Variants in ZC3H12B observed in about 807,000 individuals in gnomAD.
The protein encoded by ZC3H12B is zinc finger CCCH-type containing 12B, also known as probable ribonuclease ZC3H12B.
A neutral mutation model predicts 43.9 loss-of-function variants in ZC3H12B; 7 were observed. That is an observed-to-expected ratio of 0.16 (90% confidence interval 0.09 to 0.30). The LOEUF is 0.30. Ranked by LOEUF, ZC3H12B falls within the 10% of genes least tolerant of loss-of-function variation. ZC3H12B has a pLI of 1.00. For missense variants in ZC3H12B, 475 were observed against 670.2 expected, an observed-to-expected ratio of 0.71 and a Z score of 3.22; for synonymous variants, 222 against 241.7, an observed-to-expected ratio of 0.92 and a Z score of 0.76.
the ZC3H12B span, among the ~76,000 whole-genome samples, chrX:65,354,738 C>T: frequency 1.8e-5 from 2 of 111,787 alleles, no homozygotes; most frequent in African/African-American, 6.5e-5. Flanking sequence ...GTATTGCTAA[C>T]TAGAATAACC....
At chrX:65,288,864 A>G in the ZC3H12B span, among the ~76,000 whole-genome samples, 8 of 112,025 alleles carry the variant, frequency 7.1e-5, no homozygotes, top group Non-Finnish European at 1.5e-4. Context: ...TCACAAAAGA[A>G]CACTTAGATT....
chrX:65,292,153 C>G, the ZC3H12B span, among the ~76,000 whole-genome samples: 316 of 111,782 alleles, frequency 2.8e-3, 3 homozygotes, highest in African/African-American at 9.8e-3. Context: ...AACTGGACTA[C>G]CAAATCAGTC....
chrX:65,054,214 T>A, the ZC3H12B span, among the ~76,000 whole-genome samples: 3 of 111,840 alleles, frequency 2.7e-5, no homozygotes, highest in Non-Finnish European at 1.9e-5. Flanking sequence ...ATTGCCTAGG[T>A]TTTCTTCTAG....
chrX:65,444,085 C>T (rs2067342444), intron 3 of ZC3H12B, among the ~76,000 whole-genome samples: 2 of 112,218 alleles, frequency 1.8e-5, no homozygotes, highest in Admixed American at 1.9e-4. Flanking sequence ...TCTCTTTCTT[C>T]CTTCTTTCTT....
chrX:65,355,150 C>T, the ZC3H12B span, among the ~76,000 whole-genome samples: 19 of 111,107 alleles, frequency 1.7e-4, no homozygotes, highest in South Asian at 6.6e-3. Flanking sequence ...AACCCCAAGA[C>T]ACATGATCGT....
chrX:65,268,565 T>C, the ZC3H12B span, among the ~76,000 whole-genome samples: 31 of 112,739 alleles, frequency 2.7e-4, no homozygotes, highest in Admixed American at 2.5e-3. Context: ...ACATTGTGAT[T>C]ATTTGAGGCT....
At chrX:65,198,574 G>T in the ZC3H12B span, among the ~76,000 whole-genome samples, 1 of 111,439 alleles carries the variant, frequency 9.0e-6, no homozygotes, top group Non-Finnish European at 1.9e-5. Flanking sequence ...CTGTCTCCTG[G>T]CCTTTAAGGT....
the ZC3H12B span, among the ~76,000 whole-genome samples, chrX:65,153,954 A>G: frequency 1.8e-5 from 2 of 111,060 alleles, no homozygotes; most frequent in Non-Finnish European, 3.8e-5. Flanking sequence ...ATTGGAAATC[A>G]TCATTCTCAG....
chrX:65,196,157 G>A, the ZC3H12B span, among the ~76,000 whole-genome samples: 1 of 100,854 alleles, frequency 9.9e-6, no homozygotes, highest in Non-Finnish European at 2.0e-5. Flanking sequence ...CCCTCGAAAG[G>A]TGCGCTGCCT....
the ZC3H12B span, among the ~76,000 whole-genome samples, chrX:65,211,209 C>G: frequency 9.2e-6 from 1 of 108,543 alleles, no homozygotes; most frequent in Admixed American, 1.0e-4. Flanking sequence ...GATATTAGCC[C>G]TTTGTCAGAT....
At chrX:65,086,226 A>G in the ZC3H12B span, among the ~76,000 whole-genome samples, 1 of 111,428 alleles carries the variant, frequency 9.0e-6, no homozygotes, top group Non-Finnish European at 1.9e-5. Flanking sequence ...TTATCTATAA[A>G]TATTAAAAAC....
the ZC3H12B span, among the ~76,000 whole-genome samples, chrX:65,147,102 A>G: frequency 5.4e-5 from 6 of 111,695 alleles, no homozygotes; most frequent in Non-Finnish European, 7.5e-5. Context: ...TCCTCCTTTT[A>G]TGGAATTTGA....
the ZC3H12B span, among the ~76,000 whole-genome samples, chrX:65,181,700 A>G: frequency 1.8e-5 from 2 of 112,318 alleles, no homozygotes; most frequent in East Asian, 5.6e-4. Flanking sequence ...AACCACAATG[A>G]GATACCATCT....
At chrX:65,236,852 G>T in the ZC3H12B span, among the ~76,000 whole-genome samples, 1 of 111,808 alleles carries the variant, frequency 8.9e-6, no homozygotes, top group African/African-American at 3.3e-5. Flanking sequence ...AGATCAGATG[G>T]TTGTAGGTGT....
At chrX:65,273,772 C>T in the ZC3H12B span, among the ~76,000 whole-genome samples, 2 of 111,501 alleles carry the variant, frequency 1.8e-5, no homozygotes, top group African/African-American at 6.5e-5. Context: ...CATTGCAAAA[C>T]ATAAGGGAGT....
chrX:65,332,903 C>G, the ZC3H12B span, among the ~76,000 whole-genome samples: 1 of 112,133 alleles, frequency 8.9e-6, no homozygotes, highest in Non-Finnish European at 1.9e-5. Context: ...GCTTATGATA[C>G]TTGGCCTGTT....
At chrX:65,423,596 C>A (rs144649807) in intron 3 of ZC3H12B, among the ~76,000 whole-genome samples, 1,480 of 112,517 alleles carry the variant, frequency 0.013, 20 homozygotes, top group African/African-American at 0.046. Flanking sequence ...ATTTGCATTT[C>A]TCTAATGACC....
the ZC3H12B span, among the ~76,000 whole-genome samples, chrX:65,216,877 G>A: frequency 5.4e-5 from 6 of 112,023 alleles, no homozygotes; most frequent in South Asian, 3.7e-4. Context: ...TGCCTTGGTG[G>A]GATGGATATA....
chrX:65,317,014 C>T, the ZC3H12B span, among the ~76,000 whole-genome samples: 161 of 110,527 alleles, frequency 1.5e-3, 1 homozygote, highest in African/African-American at 5.2e-3. Context: ...CAGACAAAGC[C>T]GACTTTAAAC....
Sources: allele counts gnomAD v4.1 joint callset (sites outside exome capture counted in the v4.1 genomes callset), GRCh38; gene constraint gnomAD v4.1.1; transcripts MANE v1.5; gene names NCBI Gene and HGNC (gene_info 2026-07-23, HGNC 2026-07-21).